LIPG: variants seen among roughly 807,000 people sequenced by gnomAD.
The protein encoded by LIPG is lipase G, endothelial type.
LIPG carries 34 observed loss-of-function variants against 51.8 expected under a neutral mutation model. The ratio of observed to expected loss-of-function variants is 0.66; its 90% confidence interval spans 0.50 to 0.87. LIPG has a LOEUF of 0.87. Among genes scored for constraint, LIPG ranks in the 40% least tolerant of loss-of-function variants. LIPG has a pLI of 0.00. For missense variants in LIPG, 580 were observed against 652.7 expected (o/e 0.89, Z 1.21); for synonymous variants, 246 against 246.1 (o/e 1.00, Z 0.00).
intron 4 of LIPG, among the ~76,000 whole-genome samples, chr18:49,571,254 G>T (rs144675850): frequency 8.5e-5 from 13 of 152,316 alleles, no homozygotes; most frequent in African/African-American, 2.9e-4. Flanking sequence ...TGATGTTTCA[G>T]ATCCAGGCAC....
intron 5 of LIPG, among the ~76,000 whole-genome samples, chr18:49,576,799 G>A (rs2084723932): frequency 6.6e-6 from 1 of 152,036 alleles, no homozygotes; most frequent in Non-Finnish European, 1.5e-5. Flanking sequence ...CCAAGCTGGA[G>A]TGCAGTGGCT....
At position 49,591,052 on chromosome 18, in the gene LIPG, A is replaced by T. The variant is rs2084938646; in HGVS notation, c.*530A>T. 5.1e-6 allele frequency: 1 copy of T among 195,616 alleles called. No homozygotes were observed. The highest frequency in any genetic ancestry group is 1.1e-5 in the Non-Finnish European group (1 of 93,464). 12.1% of individuals were successfully genotyped at this position (195,616 alleles called of 1,614,324 possible). ...GCACTGACCATACTGCTTACGTCTT[A>T]GCCATTCCGTCCTGCTCCCCAGCTC... On this transcript the variant is annotated 3_prime_UTR_variant, in exon 10 of 10. Transcript: ENST00000261292.
At chr18:49,577,774 G>A (rs1333625179) in intron 5 of LIPG, among the ~76,000 whole-genome samples, 5 of 108,240 alleles carry the variant, frequency 4.6e-5, no homozygotes, top group Non-Finnish European at 7.7e-5. Flanking sequence ...TCCCGGATGG[G>A]GCGGCTGGCC....
intron 4 of LIPG, among the ~76,000 whole-genome samples, 156 bp from the exon 5 acceptor site, chr18:49,575,213 G>A (rs761121889): frequency 1.7e-4 from 26 of 152,206 alleles, no homozygotes; most frequent in Non-Finnish European, 2.9e-4. Context: ...ATGGAAATGG[G>A]TTTCTTATTT....
At chr18:49,575,884 G>A (rs1398682086) in intron 5 of LIPG, among the ~76,000 whole-genome samples, 1 of 150,098 alleles carries the variant, frequency 6.7e-6, no homozygotes, top group African/African-American at 2.5e-5. Flanking sequence ...TGTTGCCCAG[G>A]TTAGAGTGCA....
At chr18:49,566,204 T>C (rs990929817) in intron 2 of LIPG, among the ~76,000 whole-genome samples, 1 of 152,194 alleles carries the variant, frequency 6.6e-6, no homozygotes, top group Non-Finnish European at 1.5e-5. Flanking sequence ...TACATGCTTT[T>C]GGGGTCTTTA....
Position 49,565,562 on chromosome 18 carries a change from T to A in LIPG, c.279+64T>A. The stretch of plus-strand genomic sequence containing the variant: ...TTTGATTCCCTTTGTTTTGGTCAAT[T>A]AGAAAGAATTCTGGTGTTTCCAGAT... On this transcript the variant is annotated intron_variant, in intron 2 of 9. Coordinates refer to ENST00000261292, the MANE Select transcript of LIPG (RefSeq NM_006033.4). The A allele has an allele frequency of 1.9e-6, 3 of 1,573,744 alleles. No homozygotes were observed. The East Asian group carries it at 6.7e-5, about 35-fold the overall frequency.
chr18:49,574,801 G>C (rs931376414), intron 4 of LIPG, among the ~76,000 whole-genome samples: 1 of 152,102 alleles, frequency 6.6e-6, no homozygotes, highest in Non-Finnish European at 1.5e-5. Context: ...TCAGTGTATT[G>C]GGTGTCCTCT....
chr18:49,588,343 A>C (rs1600570723), intron 9 of LIPG, among the ~76,000 whole-genome samples: 1 of 142,356 alleles, frequency 7.0e-6, no homozygotes, highest in Non-Finnish European at 1.5e-5. Flanking sequence ...AGTGCAGTGG[A>C]GTGATCTTGG....
At chr18:49,565,654 G>A (rs1010795394) in intron 2 of LIPG, among the ~76,000 whole-genome samples, 156 bp downstream of exon 2, 2 of 152,112 alleles carry the variant, frequency 1.3e-5, no homozygotes, top group African/African-American at 2.4e-5. Flanking sequence ...AGAATGTAAC[G>A]GGCATTCACT....
chr18:49,594,423 C>G lies in LIPG; in HGVS notation c.*3901C>G, dbSNP rs2084970310. The stretch of plus-strand genomic sequence containing the variant: ...CTGTCGGGATTACCGGTGTGAGCCA[C>G]CGGGCCCAGCCACTAGCTGTAATTT... On this transcript the variant is annotated 3_prime_UTR_variant, in exon 10 of 10. Transcript: ENST00000261292. The G allele has an allele frequency of 1.3e-5, 2 of 152,230 alleles. No homozygotes were observed. The highest frequency in any genetic ancestry group is 2.9e-5 in the Non-Finnish European group (2 of 68,052). 9.4% of individuals were successfully genotyped at this position (152,230 alleles called of 1,614,324 possible).
rs756312811 is a variant in LIPG, at chr18:49,594,824, G to C, written c.*4302G>C. The C allele has an allele frequency of 1.3e-5, 2 of 152,226 alleles. No individual in the cohort carries two copies. Among genetic ancestry groups the C allele is most frequent in the African/African-American group, 4.8e-5 (2 of 41,458 alleles). 9.4% of individuals were successfully genotyped at this position (152,226 alleles called of 1,614,324 possible). A position where few individuals can be genotyped will look rare whatever the true frequency, so the allele number is the denominator to read the frequency against. On this transcript the variant is annotated 3_prime_UTR_variant, in exon 10 of 10. Transcript: ENST00000261292. Reference sequence around the variant, plus strand: ...ATAATGGCTGTAGGGAGTTGGGTTAGACAATAAGAGATAAGTTCTTAACTT... The same window carrying C: ...ATAATGGCTGTAGGGAGTTGGGTTACACAATAAGAGATAAGTTCTTAACTT...
chr18:49,584,387 G>A (rs2084861050), intron 8 of LIPG, among the ~76,000 whole-genome samples: 2 of 152,186 alleles, frequency 1.3e-5, no homozygotes, highest in South Asian at 2.1e-4. Flanking sequence ...AAAAGATCCA[G>A]ATCTTTCTAT....
intron 9 of LIPG, chr18:49,590,205 G>GTA: frequency 2.0e-6 from 1 of 490,914 alleles, no homozygotes; most frequent in Non-Finnish European, 3.8e-6. Flanking sequence ...GTGTGTGTGT[G>GTA]TGTATGTTGT....
In LIPG at chr18:49,599,001, C is replaced by T. The variant is rs910230113; in HGVS notation, c.*8479C>T. ...ATAGATAAATAACATTTTGTTTATC[C>T]GTTTACTTGTTGATGAACTTTAAGT... On this transcript the variant is annotated 3_prime_UTR_variant, in exon 10 of 10. Coordinates refer to ENST00000261292, the MANE Select transcript of LIPG (RefSeq NM_006033.4). The T allele has an allele frequency of 4.6e-5, 7 of 152,066 alleles. No individual in the cohort carries two copies. The highest frequency in any genetic ancestry group is 1.9e-4 in the East Asian group (1 of 5,192). The allele number at this position is 152,066 out of a possible 1,614,324, so 9.4% of individuals were successfully genotyped here.
intron 8 of LIPG, among the ~76,000 whole-genome samples, chr18:49,584,867 T>A (rs995178076): frequency 3.9e-5 from 6 of 152,200 alleles, no homozygotes; most frequent in Admixed American, 6.5e-5. Flanking sequence ...TAAATCACCA[T>A]TGAGACTCAC....
At position 49,592,909 on chromosome 18, in the gene LIPG, T is replaced by C. The variant is rs993216289; in HGVS notation, c.*2387T>C. ...TAATAAAAAATTATAAAGTTCTTAA[T>C]GGTCTGACAACTCAATTTTTTTTTT... is the stretch of plus-strand genomic sequence containing the variant. On this transcript the variant is annotated 3_prime_UTR_variant, in exon 10 of 10. Coordinates refer to ENST00000261292, the MANE Select transcript of LIPG (RefSeq NM_006033.4). 6.6e-6 allele frequency: 1 copy of C among 150,644 alleles called. No homozygotes were observed. The highest frequency in any genetic ancestry group is 2.1e-4 in the South Asian group (1 of 4,776). 9.3% of individuals were successfully genotyped at this position (150,644 alleles called of 1,614,324 possible).
intron 2 of LIPG, among the ~76,000 whole-genome samples, chr18:49,565,803 A>G (rs2084599811): frequency 6.6e-6 from 1 of 152,224 alleles, no homozygotes; most frequent in Non-Finnish European, 1.5e-5. Flanking sequence ...TACGCTGGTC[A>G]ACCACTGCCT....
intron 8 of LIPG, among the ~76,000 whole-genome samples, chr18:49,584,855 A>G (rs1056023341): frequency 6.6e-6 from 1 of 152,218 alleles, no homozygotes; most frequent in Admixed American, 6.5e-5. Context: ...ATAAACACCT[A>G]TTAAATCACC....
Sources: gnomAD v4.1 joint callset for allele counts (sites outside exome capture counted in the v4.1 genomes callset) on GRCh38, gnomAD v4.1.1 for gene constraint, MANE v1.5 for transcripts, NCBI Gene and HGNC (gene_info 2026-07-23, HGNC 2026-07-21) for gene names.